The following CPNE3 variants were observed in gnomAD, a reference collection of about 807,000 sequenced individuals.
CPNE3 encodes copine-3.
A neutral mutation model predicts 63.9 loss-of-function variants in CPNE3; 68 were observed. The ratio of observed to expected loss-of-function variants is 1.06; its 90% CI spans 0.87 to 1.30. The LOEUF (loss-of-function observed/expected upper bound fraction) is 1.30. Among genes scored for constraint, CPNE3 ranks in the 50% most tolerant of loss-of-function variants. The pLI is 0.00. For synonymous variants in CPNE3, 219 were observed against 197.5 expected, an observed-to-expected ratio of 1.11 and a Z score of -0.91; for missense variants, 665 against 578.1, an observed-to-expected ratio of 1.15 and a Z score of -1.54.
At chr8:86,552,108 G>A (rs951790824) in intron 14 of CPNE3, among the ~76,000 whole-genome samples, 3 of 152,208 alleles carry the variant, frequency 2.0e-5, no homozygotes, top group African/African-American at 7.2e-5. Flanking sequence ...GGTAGGTGTG[G>A]GAGCAGAGGC....
rs1821078474 is a variant in CPNE3, at chr8:86,547,522, T to C, written c.820-189T>C. 4 of 526,946 alleles carry C rather than the reference T, an allele frequency of 7.6e-6. No individual in the cohort carries two copies. In the South Asian group the frequency reaches 1.1e-4, roughly 14 times the overall value. The allele number at this position is 526,946 out of a possible 1,614,324, so 32.6% of individuals were successfully genotyped here. A position where few individuals can be genotyped will look rare whatever the true frequency, so the allele number is the denominator to read the frequency against. On this transcript the variant is annotated intron_variant, in intron 10 of 16. Transcript: ENST00000517490. ...TAATCTTAACATTGCTACAATTATC[T>C]TGAAGCAGAATTTTACAGATTCATG...
chr8:86,536,087 A>G (rs1345821731), intron 6 of CPNE3, among the ~76,000 whole-genome samples: 1 of 151,882 alleles, frequency 6.6e-6, no homozygotes, highest in Non-Finnish European at 1.5e-5. Flanking sequence ...GAAATTTAAC[A>G]TCTCTCCTGG....
chr8:86,550,971 A>G, intron 12 of CPNE3, 75 bp from the exon 13 acceptor site: 1 of 1,415,086 alleles, frequency 7.1e-7, no homozygotes, highest in Non-Finnish European at 9.4e-7. Flanking sequence ...GCTCATATGG[A>G]TTTTATTGTG....
At chr8:86,535,772 C>A (rs1438793856) in intron 6 of CPNE3, among the ~76,000 whole-genome samples, 1 of 152,150 alleles carries the variant, frequency 6.6e-6, no homozygotes, top group Non-Finnish European at 1.5e-5. Flanking sequence ...TTTTGTCTCA[C>A]ACAACGTTAA....
In CPNE3 at chr8:86,558,476, T is replaced by C; in HGVS notation, c.*66T>C. On this transcript the variant is annotated 3_prime_UTR_variant, in exon 17 of 17. Coordinates refer to ENST00000517490, the MANE Select transcript of CPNE3 (RefSeq NM_003909.5). ...CATCTCTCACCCCAAATCGTGTATCTGTCATTCTACGTACTTTTTACCCCC... is the reference window on the plus strand; with the variant it reads ...CATCTCTCACCCCAAATCGTGTATCCGTCATTCTACGTACTTTTTACCCCC... The C allele has an allele frequency of 8.1e-6, 7 of 865,624 alleles. No homozygotes were observed. In the South Asian group the frequency reaches 9.2e-5, roughly 11 times the overall value. The allele number at this position is 865,624 out of a possible 1,614,324, so 53.6% of individuals were successfully genotyped here. A position where few individuals can be genotyped will look rare whatever the true frequency, so the allele number is the denominator to read the frequency against.
chr8:86,555,141 C>T (rs1188558153), intron 15 of CPNE3, among the ~76,000 whole-genome samples, 157 bp downstream of exon 15: 1 of 151,770 alleles, frequency 6.6e-6, no homozygotes, highest in African/African-American at 2.4e-5. Context: ...TGTTGTTATA[C>T]TAGTGATCGT....
chr8:86,527,946 A>ATTTTTTTTTTTTTTTTTTTTTTTTTT lies in CPNE3; in HGVS notation c.-10-565_-10-564insTTTTTTTTTTTTTTTTTTTTTTTTTT, dbSNP rs869225401. ...AAATTTATAGTTAAGGTAAAAAGAA[A>ATTTTTTTTTTTTTTTTTTTTTTTTTT]TTTTTTTTTTTTTTTTTTTTTTTTT... is the stretch of plus-strand genomic sequence containing the variant. On this transcript the variant is annotated intron_variant, in intron 2 of 16. Coordinates refer to ENST00000517490, the MANE Select transcript of CPNE3 (RefSeq NM_003909.5). 7.7e-4 allele frequency among the ~76,000 whole-genome samples: 66 copies of ATTTTTTTTTTTTTTTTTTTTTTTTTT among 85,968 alleles called. 13 individuals are homozygous for ATTTTTTTTTTTTTTTTTTTTTTTTTT. The highest frequency in any genetic ancestry group is 3.6e-3 in the African/African-American group (64 of 17,652). The allele number at this position is 85,968 out of a possible 152,430, so 56.4% of individuals were successfully genotyped here. A position where few individuals can be genotyped will look rare whatever the true frequency, so the allele number is the denominator to read the frequency against.
At chr8:86,544,887 T>C in intron 9 of CPNE3, 49 bp downstream of exon 9, 1 of 1,131,728 alleles carries the variant, frequency 8.8e-7, no homozygotes, top group Non-Finnish European at 1.3e-6. Flanking sequence ...TGGCTATGTA[T>C]TTATTACTGT....
intron 2 of CPNE3, among the ~76,000 whole-genome samples, chr8:86,523,931 C>T (rs957964433): frequency 1.3e-5 from 2 of 152,118 alleles, no homozygotes; most frequent in African/African-American, 4.8e-5. Context: ...GGTAGCTGTT[C>T]AGGTAGATTA....
At position 86,558,554 on chromosome 8, in the gene CPNE3, T is replaced by G. The variant is rs1821372757; in HGVS notation, c.*144T>G. On this transcript the variant is annotated 3_prime_UTR_variant, in exon 17 of 17. Transcript: ENST00000517490. The stretch of plus-strand genomic sequence containing the variant: ...TATGGATTATATCTGTTTAAAGCAT[T>G]CTTTCTAGGTTATTTTGGGGGGACA... 1.5e-6 allele frequency: 1 copy of G among 653,622 alleles called. No homozygotes were observed. Among genetic ancestry groups the G allele is most frequent in the South Asian group, 2.1e-5 (1 of 48,686 alleles). The allele number at this position is 653,622 out of a possible 1,614,324, so 40.5% of individuals were successfully genotyped here.
chr8:86,557,299 A>G (rs1245168743), intron 16 of CPNE3, among the ~76,000 whole-genome samples: 1 of 151,624 alleles, frequency 6.6e-6, no homozygotes, highest in Non-Finnish European at 1.5e-5. Context: ...ATGCCTGGCA[A>G]TTTTTTTCTA....
At position 86,552,269 on chromosome 8, in the gene CPNE3, C is replaced by T. The variant is rs1542082; in HGVS notation, c.1120+1035C>T. Among the ~76,000 whole-genome samples, 66 of 152,142 alleles carry T rather than the reference C, an allele frequency of 4.3e-4. No individual in the cohort carries two copies. In the South Asian group the frequency reaches 6.2e-3, roughly 14 times the overall value. On this transcript the variant is annotated intron_variant, in intron 14 of 16. Coordinates refer to ENST00000517490, the MANE Select transcript of CPNE3 (RefSeq NM_003909.5). ...GGAAGAGCATGAACAATTTTTGTGG[C>T]GGCCGTTTGCAATATGGTTTTGTTC...
intron 9 of CPNE3, 87 bp downstream of exon 9, chr8:86,544,925 C>A (rs17609515): frequency 1.0e-5 from 7 of 676,602 alleles, no homozygotes; most frequent in Middle Eastern, 2.7e-4. Flanking sequence ...TAGCATCAAA[C>A]GGTTTACTAT....
At chr8:86,537,461 G>A in intron 6 of CPNE3, 102 bp from the exon 7 acceptor site, 2 of 744,618 alleles carry the variant, frequency 2.7e-6, no homozygotes, top group Non-Finnish European at 4.9e-6. Context: ...ATACTATAGA[G>A]TTAGACTTCA....
Position 86,545,742 on chromosome 8 carries a change from G to T in CPNE3, c.733-853G>T, listed in dbSNP as rs191941855. Among the ~76,000 whole-genome samples the T allele has an allele frequency of 2.0e-3, 301 of 152,212 alleles. 3 individuals carry two copies. The highest frequency in any genetic ancestry group is 5.5e-3 in the Admixed American group (84 of 15,284). On this transcript the variant is annotated intron_variant, in intron 9 of 16. Coordinates refer to ENST00000517490, the MANE Select transcript of CPNE3 (RefSeq NM_003909.5). The stretch of plus-strand genomic sequence containing the variant: ...AAGTGGCTTTGTGTTAACCAGAAGA[G>T]GTGACTTATCAAGCATTTATTGAAT...
At chr8:86,554,315 A>G (rs566061047) in intron 14 of CPNE3, among the ~76,000 whole-genome samples, 12 of 152,338 alleles carry the variant, frequency 7.9e-5, no homozygotes, top group Non-Finnish European at 1.2e-4. Flanking sequence ...CTGGAAGTGA[A>G]TATTTGGAAC....
chr8:86,515,062 G>A (rs909852977), intron 1 of CPNE3: 4 of 152,302 alleles, frequency 2.6e-5, no homozygotes, highest in African/African-American at 9.6e-5. Flanking sequence ...GGCAGATGGA[G>A]TGGGAAGAGG....
chr8:86,553,898 C>G (rs1411687185), intron 14 of CPNE3: 1 of 152,170 alleles, frequency 6.6e-6, no homozygotes, highest in Non-Finnish European at 1.5e-5. Context: ...ATACAAGTTT[C>G]ATCAGCAGTG....
At position 86,514,440 on chromosome 8, in the gene CPNE3, T is replaced by G. The variant is rs1382125267; in HGVS notation, c.-150T>G. The G allele has an allele frequency of 7.4e-6, 1 of 134,340 alleles. No homozygotes were observed. Among genetic ancestry groups the G allele is most frequent in the Admixed American group, 8.4e-5 (1 of 11,914 alleles). The allele number at this position is 134,340 out of a possible 1,614,324, so 8.3% of individuals were successfully genotyped here. On this transcript the variant is annotated 5_prime_UTR_variant, in exon 1 of 17. Transcript: ENST00000517490. Reference sequence around the variant, plus strand: ...CCTCCCCGCCCCCTTGCTCTGCCAGTCCAGCCCTAGGTTCTCCTGAATCCC... The same window carrying G: ...CCTCCCCGCCCCCTTGCTCTGCCAGGCCAGCCCTAGGTTCTCCTGAATCCC...
Sources: allele counts gnomAD v4.1 joint callset (sites outside exome capture counted in the v4.1 genomes callset), GRCh38; gene constraint gnomAD v4.1.1; transcripts MANE v1.5; gene names NCBI Gene and HGNC (gene_info 2026-07-23, HGNC 2026-07-21).